The following DPH6 variants were observed in gnomAD, a reference collection of about 807,000 sequenced individuals.
The protein encoded by DPH6 is diphthamine biosynthesis 6.
Under a neutral mutation model 38.2 loss-of-function variants are expected in DPH6, and 33 were observed. The observed-to-expected ratio is 0.86, with a 90% confidence interval of 0.65 to 1.15. The LOEUF is 1.15. Ranked by LOEUF, DPH6 falls within the 50% of genes most tolerant of loss-of-function variation. The probability of loss-of-function intolerance (pLI) is 0.00; values close to 1 mark genes in which losing one functional copy is unlikely to be tolerated. For synonymous variants in DPH6, 108 were observed against 103.0 expected (o/e 1.05, Z -0.30); for missense variants, 325 against 320.0 (o/e 1.02, Z -0.12).
At chr15:35,544,569 T>C (rs1009819116) in intron 1 of DPH6, among the ~76,000 whole-genome samples, 20 of 152,304 alleles carry the variant, frequency 1.3e-4, no homozygotes, top group South Asian at 6.2e-4. Context: ...GTTTCACTTA[T>C]TCACTTATAA....
chr15:35,348,714 AT>A lies in DPH6; in HGVS notation n.208-17638del, dbSNP rs1428886303. On this transcript the variant is annotated intron_variant and non_coding_transcript_variant, in intron 3 of 3. Coordinates refer to the DPH6 transcript ENST00000558973. The stretch of plus-strand genomic sequence containing the variant: ...AAAAGCCTTTGGAATTTTAATAGAG[AT>A]TTCAAGGAATCTGTAGATTACAGTA... Among the ~76,000 whole-genome samples, 11 of 152,070 alleles carry A rather than the reference AT, an allele frequency of 7.2e-5. 1 individual carries two copies. The highest frequency in any genetic ancestry group is 7.2e-4 in the Admixed American group (11 of 15,264).
the DPH6 span, among the ~76,000 whole-genome samples, chr15:35,206,518 G>C: frequency 4.8e-4 from 73 of 152,268 alleles, 1 homozygote; most frequent in East Asian, 0.014. Flanking sequence ...CTTTGCTTCT[G>C]TCACTTCTGA....
At chr15:35,290,273 C>T (rs970847683) in intron 3 of DPH6, among the ~76,000 whole-genome samples, 4 of 152,206 alleles carry the variant, frequency 2.6e-5, no homozygotes, top group Non-Finnish European at 5.9e-5. Flanking sequence ...CTTTAGCTTT[C>T]TACTTTACTT....
At chr15:35,383,564 G>C (rs1231058085) in intron 6 of DPH6, among the ~76,000 whole-genome samples, 1 of 152,172 alleles carries the variant, frequency 6.6e-6, no homozygotes, top group Non-Finnish European at 1.5e-5. Flanking sequence ...ACGCAACAGC[G>C]ATATTGCCTC....
chr15:35,468,333 C>G (rs34341750), intron 3 of DPH6, among the ~76,000 whole-genome samples: 16,836 of 152,208 alleles, frequency 0.11, 1,022 homozygotes, highest in Non-Finnish European at 0.14. Context: ...GAATTAAACA[C>G]CAGGTGAATA....
At chr15:35,478,344 C>A (rs2141142240) in intron 3 of DPH6, among the ~76,000 whole-genome samples, 1 of 142,120 alleles carries the variant, frequency 7.0e-6, no homozygotes, top group South Asian at 2.3e-4. Flanking sequence ...GAATACTTTA[C>A]CCATACACAC....
chr15:35,316,424 T>TA (rs2052189258), intron 3 of DPH6, among the ~76,000 whole-genome samples: 1 of 151,938 alleles, frequency 6.6e-6, no homozygotes, highest in Non-Finnish European at 1.5e-5. Context: ...CTGGAATGTA[T>TA]AAAAAAGAAC....
chr15:35,291,486 C>T (rs949981408), intron 3 of DPH6, among the ~76,000 whole-genome samples: 1 of 152,090 alleles, frequency 6.6e-6, no homozygotes, highest in African/African-American at 2.4e-5. Context: ...TGACAAAACT[C>T]CACAGCATCA....
At chr15:35,326,155 G>A (rs1051046294), downstream of DPH6, among the ~76,000 whole-genome samples, 4 of 152,136 alleles carry the variant, frequency 2.6e-5, no homozygotes, top group South Asian at 8.3e-4. Context: ...TTGAACATGT[G>A]TAAACTTACT....
chr15:35,224,221 C>T (rs2051463855), intron 3 of DPH6, among the ~76,000 whole-genome samples: 1 of 151,170 alleles, frequency 6.6e-6, no homozygotes, highest in African/African-American at 2.4e-5. Flanking sequence ...ATTCTCCTGC[C>T]TCAGTCTCCA....
chr15:35,531,811 C>A (rs768215889), intron 3 of DPH6, among the ~76,000 whole-genome samples: 12 of 152,036 alleles, frequency 7.9e-5, no homozygotes, highest in Non-Finnish European at 1.5e-4. Context: ...TAAACTTATT[C>A]TTTTAATATT....
the DPH6 span, among the ~76,000 whole-genome samples, chr15:35,173,527 T>A: frequency 6.8e-6 from 1 of 147,350 alleles, no homozygotes; most frequent in Non-Finnish European, 1.5e-5. Flanking sequence ...TCAGCTAGAG[T>A]AATCTTTTCC....
chr15:35,180,443 A>ACT, the DPH6 span, among the ~76,000 whole-genome samples: 3 of 125,988 alleles, frequency 2.4e-5, no homozygotes, highest in South Asian at 7.9e-4. Flanking sequence ...ACACACACAC[A>ACT]CTTGCCCAGT....
intron 3 of DPH6, chr15:35,538,055 G>A (rs991946006): frequency 5.9e-6 from 2 of 339,328 alleles, no homozygotes; most frequent in Admixed American, 4.6e-5. Context: ...GATAATCCTG[G>A]ATGCCAAACT....
intron 3 of DPH6, among the ~76,000 whole-genome samples, chr15:35,345,030 T>G (rs1156836551): frequency 6.6e-6 from 1 of 151,800 alleles, no homozygotes; most frequent in Non-Finnish European, 1.5e-5. Flanking sequence ...ATACAATTAA[T>G]CAAAGATGTT....
intron 6 of DPH6, among the ~76,000 whole-genome samples, chr15:35,395,996 G>A (rs145516782): frequency 6.6e-6 from 1 of 152,240 alleles, no homozygotes; most frequent in East Asian, 1.9e-4. Flanking sequence ...AGAAATGTGA[G>A]GGTCATATTG....
At chr15:35,517,624 A>T (rs985054522) in intron 3 of DPH6, among the ~76,000 whole-genome samples, 3 of 152,052 alleles carry the variant, frequency 2.0e-5, no homozygotes, top group African/African-American at 7.2e-5. Context: ...AGATACTTTC[A>T]CAGTTCTCAG....
At chr15:35,510,079 G>A (rs541542866) in intron 3 of DPH6, among the ~76,000 whole-genome samples, 6 of 152,238 alleles carry the variant, frequency 3.9e-5, no homozygotes, top group African/African-American at 1.4e-4. Context: ...AGCTAGGAAT[G>A]GTTACGTGTT....
chr15:35,379,200 C>T (rs1006266151), intron 7 of DPH6, among the ~76,000 whole-genome samples: 1 of 152,178 alleles, frequency 6.6e-6, no homozygotes, highest in Non-Finnish European at 1.5e-5. Context: ...ATTACATTGG[C>T]CCACATGGCC....
Sources: allele counts gnomAD v4.1 joint callset (sites outside exome capture counted in the v4.1 genomes callset), GRCh38; gene constraint gnomAD v4.1.1; transcripts MANE v1.5; gene names NCBI Gene and HGNC (gene_info 2026-07-23, HGNC 2026-07-21).